The following N4BP2 variants were observed in gnomAD, a reference collection of about 807,000 sequenced individuals.
N4BP2 encodes the protein NEDD4 binding protein 2.
In N4BP2, 91 loss-of-function variants were observed where a neutral mutation model predicts 152.8. The observed-to-expected ratio is 0.60, with a 90% CI of 0.50 to 0.71. The LOEUF (loss-of-function observed/expected upper bound fraction) is 0.71, where lower values mean the gene tolerates loss of function less well. N4BP2 is among the 30% of genes least tolerant of loss of function. The pLI is 0.00. For missense variants in N4BP2, 1,923 were observed against 2,059.1 expected, an observed-to-expected ratio of 0.93 and a Z score of 1.28; for synonymous variants, 646 against 705.3, an observed-to-expected ratio of 0.92 and a Z score of 1.33.
chr4:40,160,454 G>T (rs1382814040), downstream of N4BP2, among the ~76,000 whole-genome samples: 1 of 152,208 alleles, frequency 6.6e-6, no homozygotes, highest in African/African-American at 2.4e-5. Context: ...CGCCTGTGAT[G>T]TTGGGCAGTG....
At chr4:40,163,241 G>A (rs989597107), downstream of N4BP2, among the ~76,000 whole-genome samples, 1 of 152,202 alleles carries the variant, frequency 6.6e-6, no homozygotes, top group African/African-American at 2.4e-5. Flanking sequence ...TGGGTACTTT[G>A]CAAATGTACC....
chr4:40,067,136 C>T (rs1219022299), intron 1 of N4BP2, among the ~76,000 whole-genome samples: 3 of 146,914 alleles, frequency 2.0e-5, no homozygotes, highest in African/African-American at 7.6e-5. Context: ...TGGCTCACTG[C>T]AGCCTTGACC....
chr4:40,085,586 C>T (rs572714649), intron 2 of N4BP2, among the ~76,000 whole-genome samples: 5 of 151,820 alleles, frequency 3.3e-5, no homozygotes, highest in Admixed American at 6.6e-5. Flanking sequence ...CTTCCAGAGT[C>T]GCTGGAATTA....
chr4:40,179,746 T>C, the N4BP2 span, among the ~76,000 whole-genome samples: 1 of 150,338 alleles, frequency 6.7e-6, no homozygotes, highest in Non-Finnish European at 1.5e-5. Context: ...CATTTTAGAG[T>C]GGTAAAGCCT....
At chr4:40,109,622 G>T (rs1016493088) in intron 5 of N4BP2, among the ~76,000 whole-genome samples, 1 of 151,936 alleles carries the variant, frequency 6.6e-6, no homozygotes, top group Non-Finnish European at 1.5e-5. Flanking sequence ...AGAGGCTGAG[G>T]CAGGAGAATT....
intron 3 of N4BP2, among the ~76,000 whole-genome samples, chr4:40,101,404 C>A (rs1715640284): frequency 6.6e-6 from 1 of 152,202 alleles, no homozygotes; most frequent in African/African-American, 2.4e-5. Flanking sequence ...AGGTGATCCA[C>A]CCGCCTCAGC....
In N4BP2 at chr4:40,120,647, G is replaced by C. The variant is rs1328239187; in HGVS notation, c.2536G>C (p.Glu846Gln). The change falls in exon 9 of 18, where the codon GAA (glutamate) becomes CAA (glutamine). Residue 846 changes from glutamate to glutamine, a missense_variant. Transcript: ENST00000261435. ...DCVQQRGSPH[E>Q]SVEDGRKSQC... The stretch of plus-strand genomic sequence containing the variant: ...TGTCCAGCAACGAGGATCTCCACAT[G>C]AAAGTGTAGAGGATGGCAGAAAGTC... 2 of 1,613,966 alleles carry C rather than the reference G, an allele frequency of 1.2e-6. No individual in the cohort carries two copies. Among genetic ancestry groups the C allele is most frequent in the Non-Finnish European group, 1.7e-6 (2 of 1,179,940 alleles).
At chr4:40,162,337 A>G (rs1721880720), downstream of N4BP2, among the ~76,000 whole-genome samples, 1 of 152,120 alleles carries the variant, frequency 6.6e-6, no homozygotes. Context: ...CCCTGTCTCT[A>G]CTAAAAATAC....
the N4BP2 span, among the ~76,000 whole-genome samples, chr4:40,183,277 C>G: frequency 1.3e-5 from 2 of 151,906 alleles, no homozygotes; most frequent in Non-Finnish European, 2.9e-5. Flanking sequence ...CCAATCATTT[C>G]TATACAGTAT....
At chr4:40,179,425 C>T in the N4BP2 span, among the ~76,000 whole-genome samples, 2 of 152,148 alleles carry the variant, frequency 1.3e-5, no homozygotes, top group African/African-American at 4.8e-5. Flanking sequence ...CATTGAGTCA[C>T]AGCAAAACTA....
At chr4:40,134,667 T>C (rs1358198039) in intron 13 of N4BP2, among the ~76,000 whole-genome samples, 1 of 152,106 alleles carries the variant, frequency 6.6e-6, no homozygotes, top group African/African-American at 2.4e-5. Flanking sequence ...GTTGGTAGCA[T>C]CCAGCCCCTA....
At chr4:40,096,246 T>A (rs1715097396) in intron 2 of N4BP2, among the ~76,000 whole-genome samples, 1 of 152,116 alleles carries the variant, frequency 6.6e-6, no homozygotes, top group Non-Finnish European at 1.5e-5. Flanking sequence ...ATAAGTCCTA[T>A]GGAGAAAATT....
the N4BP2 span, among the ~76,000 whole-genome samples, chr4:40,177,358 G>A: frequency 6.6e-6 from 1 of 152,184 alleles, no homozygotes; most frequent in African/African-American, 2.4e-5. Context: ...GTTCACGCCT[G>A]TAATACCAGC....
intron 2 of N4BP2, among the ~76,000 whole-genome samples, chr4:40,091,438 GTT>G (rs1340954080): frequency 1.3e-5 from 2 of 151,548 alleles, no homozygotes; most frequent in African/African-American, 4.9e-5. Context: ...TTTTGTTCCT[GTT>G]TTTCTGGTAG....
intron 2 of N4BP2, among the ~76,000 whole-genome samples, chr4:40,087,234 T>TA (rs1714063233): frequency 6.6e-6 from 1 of 152,038 alleles, no homozygotes; most frequent in Admixed American, 6.6e-5. Flanking sequence ...TTCTTCCTCT[T>TA]ATGTTTCTTT....
chr4:40,090,085 A>G (rs548213869), intron 2 of N4BP2, among the ~76,000 whole-genome samples: 3 of 152,126 alleles, frequency 2.0e-5, no homozygotes, highest in Non-Finnish European at 4.4e-5. Flanking sequence ...AGTCAGGCAC[A>G]CTTATGTTGC....
chr4:40,148,926 A>G (rs940281358), intron 16 of N4BP2, among the ~76,000 whole-genome samples: 1 of 152,162 alleles, frequency 6.6e-6, no homozygotes, highest in Non-Finnish European at 1.5e-5. Flanking sequence ...GAGACTCTCT[A>G]AGAAAAAAAA....
chr4:40,133,015 GC>G (rs1719035534), intron 13 of N4BP2, among the ~76,000 whole-genome samples: 1 of 151,852 alleles, frequency 6.6e-6, no homozygotes, highest in African/African-American at 2.4e-5. Context: ...CTGGCAGCCC[GC>G]CATTTTTCCC....
rs1457220233 is a variant in N4BP2 at position 40,057,681 on chromosome 4, C to T, written c.-212+651C>T. On this transcript the variant is annotated intron_variant, in intron 1 of 17. Coordinates refer to ENST00000261435, the MANE Select transcript of N4BP2 (RefSeq NM_018177.6). ...AGAGCCCCTCTCTCATCGGGACTCTCTCTAAGCCGTCCGTTTGGAAATTCA... is the reference window on the plus strand; with the variant it reads ...AGAGCCCCTCTCTCATCGGGACTCTTTCTAAGCCGTCCGTTTGGAAATTCA... Among the ~76,000 whole-genome samples, 4 of 152,272 alleles carry T rather than the reference C, an allele frequency of 2.6e-5. No individual in the cohort carries two copies. The South Asian group carries it at 8.3e-4, about 32-fold the overall frequency.
Sources: allele counts gnomAD v4.1 joint callset (sites outside exome capture counted in the v4.1 genomes callset), GRCh38; gene constraint gnomAD v4.1.1; transcripts MANE v1.5; gene names NCBI Gene and HGNC (gene_info 2026-07-23, HGNC 2026-07-21).